BRD10: variants seen among roughly 807,000 people sequenced by gnomAD.
BRD10 encodes the protein uncharacterized bromodomain-containing protein 10.
the BRD10 span, chr9:5,921,138 T>C: frequency 5.6e-6 from 9 of 1,613,968 alleles, no homozygotes; most frequent in Admixed American, 3.3e-5. Context: ...TTACCACTTG[T>C]TGACAATGGC....
At chr9:5,968,204 T>G in the BRD10 span, 2 of 1,612,820 alleles carry the variant, frequency 1.2e-6, no homozygotes, top group South Asian at 1.1e-5. Context: ...TTTAGTTAGT[T>G]TGAGTTTCTT....
At chr9:5,899,690 A>G in the BRD10 span, among the ~76,000 whole-genome samples, 1 of 152,232 alleles carries the variant, frequency 6.6e-6, no homozygotes, top group African/African-American at 2.4e-5. Flanking sequence ...TGGGGTTATG[A>G]CATTGCCTTG....
At chr9:6,006,612 T>G in the BRD10 span, among the ~76,000 whole-genome samples, 3 of 152,174 alleles carry the variant, frequency 2.0e-5, no homozygotes, top group East Asian at 5.8e-4. Flanking sequence ...TGTTGATGCA[T>G]TCCCTATTAT....
At chr9:5,940,369 A>AT in the BRD10 span, among the ~76,000 whole-genome samples, 1 of 151,802 alleles carries the variant, frequency 6.6e-6, no homozygotes, top group African/African-American at 2.4e-5. Context: ...TAATTTTTGT[A>AT]TTTTTTGTAG....
the BRD10 span, among the ~76,000 whole-genome samples, chr9:5,991,839 T>C: frequency 1.3e-5 from 2 of 152,102 alleles, no homozygotes; most frequent in South Asian, 4.1e-4. Flanking sequence ...CCTAGCATGA[T>C]ATGGCCTTCG....
At chr9:5,916,758 T>C in the BRD10 span, among the ~76,000 whole-genome samples, 4 of 152,158 alleles carry the variant, frequency 2.6e-5, no homozygotes, top group Non-Finnish European at 5.9e-5. Context: ...GGCTTAATTC[T>C]ATACTAAGTA....
chr9:5,916,944 C>G, the BRD10 span, among the ~76,000 whole-genome samples: 5 of 152,116 alleles, frequency 3.3e-5, no homozygotes, highest in Admixed American at 2.0e-4. Context: ...TCCACATGAC[C>G]TACAAAACTG....
At chr9:5,903,458 G>A in the BRD10 span, among the ~76,000 whole-genome samples, 3 of 152,112 alleles carry the variant, frequency 2.0e-5, no homozygotes, top group African/African-American at 4.8e-5. Context: ...GAGAGATAAC[G>A]AATTGTCATT....
the BRD10 span, among the ~76,000 whole-genome samples, chr9:5,918,427 G>C: frequency 6.6e-6 from 1 of 152,098 alleles, no homozygotes; most frequent in Admixed American, 6.6e-5. Flanking sequence ...TTTAAAACGA[G>C]GCATATTCTT....
the BRD10 span, among the ~76,000 whole-genome samples, chr9:5,914,410 GTTTTTTTTTTTTTTTTT>G: frequency 2.7e-5 from 2 of 75,458 alleles, no homozygotes; most frequent in South Asian, 5.5e-4. Context: ...AATCCAGATG[GTTTTTTTTTTTTTTTTT>G]TTTTTTTTTT....
At chr9:5,923,805 T>G in the BRD10 span, among the ~76,000 whole-genome samples, 2 of 152,216 alleles carry the variant, frequency 1.3e-5, no homozygotes, top group African/African-American at 4.8e-5. Flanking sequence ...AAATTTATGT[T>G]CATATTCGGT....
At chr9:5,894,414 C>G in the BRD10 span, among the ~76,000 whole-genome samples, 2 of 152,162 alleles carry the variant, frequency 1.3e-5, no homozygotes, top group Non-Finnish European at 2.9e-5. This position sits in a 1 kb window ranked among gnomAD's most constrained non-coding sequence, Gnocchi z 4.0. Context: ...CCACAGAATG[C>G]TGCTTCTACC....
chr9:5,981,489 G>C, the BRD10 span, among the ~76,000 whole-genome samples: 1 of 152,094 alleles, frequency 6.6e-6, no homozygotes, highest in Non-Finnish European at 1.5e-5. Flanking sequence ...TGACAGATAC[G>C]ACATCCAGAG....
the BRD10 span, among the ~76,000 whole-genome samples, chr9:5,927,489 C>A: frequency 6.6e-6 from 1 of 152,156 alleles, no homozygotes; most frequent in Non-Finnish European, 1.5e-5. Context: ...TTTCTCTATT[C>A]CACCTTATAG....
At chr9:5,914,241 G>C in the BRD10 span, among the ~76,000 whole-genome samples, 2 of 151,980 alleles carry the variant, frequency 1.3e-5, no homozygotes, top group African/African-American at 4.8e-5. Flanking sequence ...TTTGGTTCAG[G>C]TTTACAGCAA....
the BRD10 span, among the ~76,000 whole-genome samples, chr9:5,932,542 A>G: frequency 6.6e-6 from 1 of 152,224 alleles, no homozygotes; most frequent in South Asian, 2.1e-4. Flanking sequence ...AGTAGATATT[A>G]TAAGTAATAC....
chr9:5,934,330 G>A, the BRD10 span, among the ~76,000 whole-genome samples: 1 of 149,892 alleles, frequency 6.7e-6, no homozygotes. Context: ...GGTAGAGAAG[G>A]TATTAAATAT....
chr9:5,968,767 G>T, the BRD10 span: 3 of 1,613,894 alleles, frequency 1.9e-6, no homozygotes, highest in Non-Finnish European at 1.7e-6. Context: ...GGGCCTGAAA[G>T]GGTCTCTGTT....
the BRD10 span, chr9:5,906,789 T>C: frequency 1.4e-6 from 1 of 727,668 alleles, no homozygotes; most frequent in Non-Finnish European, 2.2e-6. Context: ...GAACCTAGAT[T>C]AAAACTCATT....
Sources: allele counts gnomAD v4.1 joint callset (sites outside exome capture counted in the v4.1 genomes callset), GRCh38; gene constraint gnomAD v4.1.1; non-coding constraint Gnocchi (gnomAD v3.1); transcripts MANE v1.5; gene names NCBI Gene and HGNC (gene_info 2026-07-23, HGNC 2026-07-21).